Variants in CACNA1H observed in about 807,000 individuals in gnomAD.
The protein encoded by CACNA1H is voltage-dependent T-type calcium channel subunit alpha-1H.
CACNA1H carries 149 observed loss-of-function variants against 192.5 expected under a neutral mutation model. The observed-to-expected ratio is 0.77, with a 90% CI of 0.68 to 0.89. The LOEUF is 0.89. CACNA1H is among the 40% of genes least tolerant of loss of function. The probability of loss-of-function intolerance (pLI) is 0.00; values close to 1 mark genes in which losing one functional copy is unlikely to be tolerated. For synonymous variants in CACNA1H, 2,202 were observed against 1,475.2 expected, an observed-to-expected ratio of 1.49 and a Z score of -11.29; for missense variants, 4,257 against 3,423.5, an observed-to-expected ratio of 1.24 and a Z score of -6.08.
chr16:1,214,955 C>T lies in CACNA1H; in HGVS notation c.4930-17C>T, dbSNP rs368265069. The stretch of plus-strand genomic sequence containing the variant: ...GGCCCCAGCCCCACCTCAGCCAGCC[C>T]GACCCTCCACCCCCAGTCGCTGGAC... On this transcript the variant is annotated splice_polypyrimidine_tract_variant and intron_variant, in intron 27 of 34. Transcript: ENST00000348261. 197 of 1,577,934 alleles carry T rather than the reference C, an allele frequency of 1.2e-4. No homozygotes were observed. The highest frequency in any genetic ancestry group is 1.6e-4 in the Non-Finnish European group (187 of 1,157,330).
chr16:1,209,441 G>A lies in CACNA1H; in HGVS notation c.3744+29G>A, dbSNP rs192641890. 2.2e-4 allele frequency: 346 copies of A among 1,589,542 alleles called. 1 individual carries two copies. The African/African-American group carries it at 3.5e-3, about 16-fold the overall frequency. On this transcript the variant is annotated intron_variant, in intron 17 of 34. Transcript: ENST00000348261. ...AGTGCGTGGCCCTGGGCCCACCGCCGACTCGCCTTCGTCTGTCTGGGGCAG... is the reference window on the plus strand; with the variant it reads ...AGTGCGTGGCCCTGGGCCCACCGCCAACTCGCCTTCGTCTGTCTGGGGCAG...
intron 25 of CACNA1H, 102 bp from the exon 26 acceptor site, chr16:1,212,409 C>T (rs1003799287): frequency 3.7e-5 from 47 of 1,273,582 alleles, no homozygotes; most frequent in Non-Finnish European, 5.1e-5. Flanking sequence ...CACGAGGAGC[C>T]AGCACAGCCC....
At chr16:1,175,570 C>T (rs1964799211) in intron 2 of CACNA1H, among the ~76,000 whole-genome samples, 1 of 152,208 alleles carries the variant, frequency 6.6e-6, no homozygotes, top group Non-Finnish European at 1.5e-5. Flanking sequence ...GTGTCCCGAG[C>T]TTGTCCTTCA....
intron 2 of CACNA1H, among the ~76,000 whole-genome samples, chr16:1,182,863 C>A (rs537817608): frequency 6.6e-6 from 1 of 152,064 alleles, no homozygotes; most frequent in Non-Finnish European, 1.5e-5. Context: ...GTGCAGGTGA[C>A]CTCTCTGGAG....
chr16:1,159,054 C>G (rs1239650294), intron 2 of CACNA1H, among the ~76,000 whole-genome samples: 1 of 152,258 alleles, frequency 6.6e-6, no homozygotes, highest in African/African-American at 2.4e-5. Flanking sequence ...GCCTGAGGCA[C>G]TTCAGGGTGG....
chr16:1,169,070 A>G (rs914067496), intron 2 of CACNA1H, among the ~76,000 whole-genome samples: 1 of 147,674 alleles, frequency 6.8e-6, no homozygotes, highest in East Asian at 2.0e-4. Flanking sequence ...GCAACAGGAG[A>G]TGGAGGGAGG....
chr16:1,167,807 G>A lies in CACNA1H; in HGVS notation c.299+13771G>A, dbSNP rs983832643. The stretch of plus-strand genomic sequence containing the variant: ...ACACCTGGAGCTGTGGCGCTGGTGT[G>A]TGCTTAGAAAGTGCACCTGCGAGGT... On this transcript the variant is annotated intron_variant, in intron 2 of 34. Coordinates refer to ENST00000348261, the MANE Select transcript of CACNA1H (RefSeq NM_021098.3). The surrounding 1 kb of genome is among the most constrained non-coding windows in gnomAD (Gnocchi z 4.2). Among the ~76,000 whole-genome samples the A allele has an allele frequency of 1.4e-4, 21 of 152,212 alleles. 1 individual carries two copies. The highest frequency in any genetic ancestry group is 1.2e-3 in the Admixed American group (18 of 15,290).
At chr16:1,159,986 G>C (rs1962969445) in intron 2 of CACNA1H, 2 of 152,592 alleles carry the variant, frequency 1.3e-5, no homozygotes, top group Middle Eastern at 3.4e-3. Flanking sequence ...AGCTGCAGAA[G>C]AGACGTCCCG....
intron 2 of CACNA1H, among the ~76,000 whole-genome samples, chr16:1,163,044 G>C (rs993163009): frequency 6.6e-6 from 1 of 152,244 alleles, no homozygotes; most frequent in Admixed American, 6.5e-5. Flanking sequence ...GGGCTCGTCT[G>C]ACTCTGTGTT....
Position 1,215,387 on chromosome 16 carries a change from C to A in CACNA1H, c.5173+12C>A, listed in dbSNP as rs372537247. ...TCGCATTGCCCGTGGTAGGTGCCCG[C>A]GTGCCCGCCAGGTTCTCTCTGCGGG... is the stretch of plus-strand genomic sequence containing the variant. On this transcript the variant is annotated intron_variant, in intron 29 of 34. Transcript: ENST00000348261. 4.3e-6 allele frequency: 6 copies of A among 1,392,298 alleles called. No homozygotes were observed. The highest frequency in any genetic ancestry group is 5.8e-6 in the Non-Finnish European group (6 of 1,042,336). The allele number at this position is 1,392,298 out of a possible 1,614,324, so 86.2% of individuals were successfully genotyped here. A position where few individuals can be genotyped will look rare whatever the true frequency, so the allele number is the denominator to read the frequency against.
At chr16:1,216,906 C>G in intron 30 of CACNA1H, 26 bp from the exon 31 acceptor site, 1 of 1,583,616 alleles carries the variant, frequency 6.3e-7, no homozygotes, top group Non-Finnish European at 8.6e-7. Flanking sequence ...GCCCGTCTGA[C>G]CCAGCTCTGC....
rs1451005461 is a variant in CACNA1H at position 1,205,135 on chromosome 16, C to A, written c.2473C>A (p.Leu825Met). ...HEQPEELTNALEISNIVFTSM... is the reference protein window; with the variant it reads ...HEQPEELTNAMEISNIVFTSM... ...GCAGCCCGAGGAGCTGACTAATGCT[C>A]TGGAGATCAGCAACATCGTGTTCAC... The change falls in exon 11 of 35, where the codon CTG becomes ATG. Residue 825 changes from leucine (L) to methionine (M), a missense_variant. Leu to Met is a conservative substitution (Grantham distance 15). Coordinates refer to ENST00000348261, the MANE Select transcript of CACNA1H (RefSeq NM_021098.3). 3 of 1,612,414 alleles carry A rather than the reference C, an allele frequency of 1.9e-6. No homozygotes were observed. The Admixed American group carries it at 5.0e-5, about 27-fold the overall frequency.
At chr16:1,190,115 G>A (rs1167312669) in intron 2 of CACNA1H, among the ~76,000 whole-genome samples, 4 of 152,186 alleles carry the variant, frequency 2.6e-5, no homozygotes, top group African/African-American at 9.6e-5. Flanking sequence ...AGACCCCGTA[G>A]CCAAGACCAC....
At chr16:1,215,661 G>GTCCCCCTC (rs1218958111) in intron 30 of CACNA1H, 68 bp downstream of exon 30, 38 of 1,285,680 alleles carry the variant, frequency 3.0e-5, no homozygotes, top group Admixed American at 7.6e-5. Flanking sequence ...GCGCCTCGCC[G>GTCCCCCTC]TCCCCCTCTC....
chr16:1,214,470 T>TGGAA (rs2141371278), intron 27 of CACNA1H, among the ~76,000 whole-genome samples: 1 of 152,208 alleles, frequency 6.6e-6, no homozygotes, highest in South Asian at 2.1e-4. Flanking sequence ...GGATCTTCCC[T>TGGAA]CTCCGGAGGT....
chr16:1,198,800 C>A, intron 6 of CACNA1H, 26 bp downstream of exon 6: 1 of 1,593,278 alleles, frequency 6.3e-7, no homozygotes, highest in East Asian at 2.3e-5. Flanking sequence ...CCCCGTGAGG[C>A]CCCTGCCCAG....
In CACNA1H at chr16:1,204,567, C is replaced by T. The variant is rs528391418; in HGVS notation, c.2451+109C>T. 1.3e-5 allele frequency: 11 copies of T among 849,980 alleles called. No homozygotes were observed. In the South Asian group the frequency reaches 1.5e-4, roughly 12 times the overall value. The allele number at this position is 849,980 out of a possible 1,614,324, so 52.7% of individuals were successfully genotyped here. A position where few individuals can be genotyped will look rare whatever the true frequency, so the allele number is the denominator to read the frequency against. Reference sequence around the variant, plus strand: ...ATGCCTGACCTGATGGTAGGACGGTCAGGCAGGGCTCTAGAAAGCCGGGGA... The same window carrying T: ...ATGCCTGACCTGATGGTAGGACGGTTAGGCAGGGCTCTAGAAAGCCGGGGA... On this transcript the variant is annotated intron_variant, in intron 10 of 34. Transcript: ENST00000348261.
In CACNA1H at chr16:1,207,025, C is replaced by T; in HGVS notation, c.2814C>T (p.Gly938=). The change falls in exon 13 of 35, where the codon GGC becomes GGT. Residue 938 remains glycine (G), a synonymous_variant. Transcript: ENST00000348261. ...IFSILGMHLF[G]CKFSLKTDTG... is the part of the protein sequence containing the mutation. ...GCATCCTGGGCATGCACCTTTTCGG[C>T]TGCAAGTTCAGCCTGAAGACAGACA... The T allele has an allele frequency of 1.9e-6, 3 of 1,595,894 alleles. No homozygotes were observed. The highest frequency in any genetic ancestry group is 2.6e-6 in the Non-Finnish European group (3 of 1,171,224).
rs1337167126 is a variant in CACNA1H, at chr16:1,153,791, G to A, written c.54G>A (p.Pro18=). 2.4e-6 allele frequency: 3 copies of A among 1,229,676 alleles called. No individual in the cohort carries two copies. Among genetic ancestry groups the A allele is most frequent in the African/African-American group, 1.6e-5 (1 of 63,364 alleles). 76.2% of individuals were successfully genotyped at this position (1,229,676 alleles called of 1,614,324 possible). Residue 18 remains proline (P), a synonymous_variant, in exon 2 of 35, where the codon CCG becomes CCA. Coordinates refer to ENST00000348261, the MANE Select transcript of CACNA1H (RefSeq NM_021098.3). Reference sequence around the variant, plus strand: ...AGGTCCGGGTGCCCCTGGGCGCGCCGCCCCCTGGCCCTGCGGCGTTGGTGG... The same window carrying A: ...AGGTCCGGGTGCCCCTGGGCGCGCCACCCCCTGGCCCTGCGGCGTTGGTGG... ...ADEVRVPLGA[P]PPGPAALVGA...
Sources: gnomAD v4.1 joint callset for allele counts (sites outside exome capture counted in the v4.1 genomes callset) on GRCh38, gnomAD v4.1.1 for gene constraint, Gnocchi (gnomAD v3.1) non-coding constraint, MANE v1.5 for transcripts, NCBI Gene and HGNC (gene_info 2026-07-23, HGNC 2026-07-21) for gene names.